IMPG1: variants seen among roughly 807,000 people sequenced by gnomAD.
The protein encoded by IMPG1 is interphotoreceptor matrix proteoglycan 1.
In IMPG1, 85 loss-of-function variants were observed where a neutral mutation model predicts 92.0. The ratio of observed to expected loss-of-function variants is 0.92; its 90% confidence interval spans 0.78 to 1.11. IMPG1 has a LOEUF of 1.11. Ranked by LOEUF, IMPG1 falls within the 50% of genes least tolerant of loss-of-function variation. The pLI is 0.00. For synonymous variants in IMPG1, 367 were observed against 334.1 expected, an observed-to-expected ratio of 1.10 and a Z score of -1.08; for missense variants, 1,022 against 956.0, an observed-to-expected ratio of 1.07 and a Z score of -0.91.
intron 14 of IMPG1, among the ~76,000 whole-genome samples, chr6:75,939,269 TA>T (rs1781799771): frequency 6.6e-6 from 1 of 152,230 alleles, no homozygotes; most frequent in South Asian, 2.1e-4. Flanking sequence ...TACATATGTA[TA>T]CATGTGCCAT....
intron 4 of IMPG1, among the ~76,000 whole-genome samples, chr6:76,029,568 T>A (rs1364714611): frequency 5.3e-5 from 8 of 152,236 alleles, no homozygotes. Context: ...CCCTGCTTGT[T>A]CCTGTGAACC....
At chr6:75,947,639 C>T (rs1427746220) in intron 13 of IMPG1, 106 bp from the exon 14 acceptor site, 1 of 781,670 alleles carries the variant, frequency 1.3e-6, no homozygotes, top group Non-Finnish European at 2.0e-6. Context: ...ATTTTAGTTC[C>T]TTTTTATTAT....
intron 7 of IMPG1, among the ~76,000 whole-genome samples, chr6:76,016,750 G>A (rs1281004714): frequency 2.0e-5 from 3 of 152,122 alleles, no homozygotes; most frequent in Non-Finnish European, 4.4e-5. Context: ...GTAATCTCAT[G>A]GATGCTTCTA....
chr6:75,961,766 C>T (rs1380415206), intron 12 of IMPG1, among the ~76,000 whole-genome samples: 9 of 152,166 alleles, frequency 5.9e-5, no homozygotes, highest in African/African-American at 2.2e-4. Flanking sequence ...GCTCAGGGAG[C>T]AGCTAGCTGG....
chr6:76,037,037 A>C (rs1389271247), intron 2 of IMPG1, among the ~76,000 whole-genome samples: 2 of 152,190 alleles, frequency 1.3e-5, no homozygotes, highest in African/African-American at 4.8e-5. Flanking sequence ...TTAACTCTAG[A>C]GCAATGGAAA....
chr6:75,947,394 C>G lies in IMPG1; in HGVS notation c.1964G>C (p.Gly655Ala). 2 of 1,613,900 alleles carry G rather than the reference C, an allele frequency of 1.2e-6. No individual in the cohort carries two copies. The highest frequency in any genetic ancestry group is 8.5e-7 in the Non-Finnish European group (1 of 1,179,862). Residue 655 changes from glycine (G) to alanine (A), a missense_variant, in exon 14 of 17, where the codon GGG becomes GCG. By Grantham distance (60) the Gly-to-Ala change is moderately conservative. This residue lies in a region of IMPG1 where 332 missense variants were observed against 346.2 expected (regional missense o/e 0.96). Coordinates refer to ENST00000369950, the MANE Select transcript of IMPG1 (RefSeq NM_001563.4). ...VPYNLTKAVH[G>A]VLEDFRSAAA... ...AGCAGAACGAAAATCCTCCAAGACC[C>G]CGTGCACAGCCTTGGTGAGGTTATA...
At position 76,022,209 on chromosome 6, in the gene IMPG1, G is replaced by A. The variant is rs200953805; in HGVS notation, c.573C>T (p.Asn191=). ...ETIVISTDVA[N]VSLGPFPLTP... ...TGAGAGGGAAAGGCCCAAGTGAGAC[G>A]TTGGCAACATCTGTGAAAATTTTAA... Residue 191 remains asparagine (N), a synonymous_variant, in exon 6 of 17, where the codon AAC becomes AAT. Coordinates refer to ENST00000369950, the MANE Select transcript of IMPG1 (RefSeq NM_001563.4). 2.8e-5 allele frequency: 45 copies of A among 1,580,992 alleles called. No individual in the cohort carries two copies. The highest frequency in any genetic ancestry group is 1.7e-4 in the Middle Eastern group (1 of 5,904).
intron 10 of IMPG1, 22 bp from the exon 11 acceptor site, chr6:76,003,972 A>T (rs1368163572): frequency 2.6e-6 from 4 of 1,568,624 alleles, no homozygotes; most frequent in Non-Finnish European, 3.5e-6. Flanking sequence ...AAATCACAAG[A>T]TTTGAATGTA....
At chr6:76,023,122 TG>T (rs1484669818) in intron 5 of IMPG1, among the ~76,000 whole-genome samples, 1 of 152,028 alleles carries the variant, frequency 6.6e-6, no homozygotes, top group Non-Finnish European at 1.5e-5. Flanking sequence ...AGTGGGGGCG[TG>T]AGAGTGGGTA....
intron 9 of IMPG1, among the ~76,000 whole-genome samples, chr6:76,006,152 T>C (rs1477520382): frequency 1.3e-5 from 2 of 152,016 alleles, no homozygotes; most frequent in East Asian, 3.8e-4. Context: ...AAAGTGCTTT[T>C]TGTCAAAAAA....
chr6:76,018,896 T>G, intron 6 of IMPG1, 38 bp from the exon 7 acceptor site: 8 of 1,530,100 alleles, frequency 5.2e-6, no homozygotes, highest in Non-Finnish European at 6.2e-6. Flanking sequence ...TCTGTTAACC[T>G]AAACCACAAA....
rs537774030 is a variant in IMPG1, at chr6:75,986,032, T to C, written c.1291+16886A>G. Among the ~76,000 whole-genome samples, 3 of 152,254 alleles carry C rather than the reference T, an allele frequency of 2.0e-5. No individual in the cohort carries two copies. The East Asian group carries it at 5.8e-4, about 29-fold the overall frequency. ...GGAAATGACTGCTCCTGTCACAAAA[T>C]AGTGCAATAAAACAAACAACAGCCT... On this transcript the variant is annotated intron_variant, in intron 12 of 16. Coordinates refer to ENST00000369950, the MANE Select transcript of IMPG1 (RefSeq NM_001563.4).
intron 12 of IMPG1, among the ~76,000 whole-genome samples, chr6:75,985,268 C>T (rs1013296449): frequency 6.6e-6 from 1 of 152,164 alleles, no homozygotes; most frequent in Admixed American, 6.5e-5. Context: ...AGGAAGGGAA[C>T]CTTCCCACCA....
intron 12 of IMPG1, among the ~76,000 whole-genome samples, chr6:75,964,127 T>C: frequency 6.6e-6 from 1 of 152,154 alleles, no homozygotes; most frequent in East Asian, 1.9e-4. Flanking sequence ...GTATGCATGC[T>C]CCGTAAGGAC....
intron 12 of IMPG1, among the ~76,000 whole-genome samples, chr6:75,957,167 C>G (rs1782140647): frequency 1.3e-5 from 2 of 152,186 alleles, no homozygotes; most frequent in South Asian, 4.1e-4. Flanking sequence ...ATCCACTCGC[C>G]TCGGCTTCCC....
At position 75,978,037 on chromosome 6, in the gene IMPG1, G is replaced by A. The variant is rs139385094; in HGVS notation, c.1291+24881C>T. Among the ~76,000 whole-genome samples the A allele has an allele frequency of 1.0e-3, 156 of 152,114 alleles. 2 individuals carry two copies. The East Asian group carries it at 0.027, about 26-fold the overall frequency. ...ACTCCTGTACTCAAGCAGTCCTCCC[G>A]CCTTAGCTTTCAGGGTAGCTGGGAT... On this transcript the variant is annotated intron_variant, in intron 12 of 16. Transcript: ENST00000369950.
intron 12 of IMPG1, among the ~76,000 whole-genome samples, chr6:75,989,798 G>A (rs1232922716): frequency 1.3e-5 from 2 of 152,126 alleles, no homozygotes; most frequent in Admixed American, 1.3e-4. Context: ...AGCTGAGATC[G>A]CTCCACTGTA....
chr6:76,055,150 A>G (rs1436379394), intron 1 of IMPG1, among the ~76,000 whole-genome samples: 1 of 152,066 alleles, frequency 6.6e-6, no homozygotes, highest in East Asian at 1.9e-4. Context: ...ATAAACAAAC[A>G]TTGGATATAT....
intron 1 of IMPG1, among the ~76,000 whole-genome samples, chr6:76,056,811 G>C (rs1163799638): frequency 6.6e-6 from 1 of 152,046 alleles, no homozygotes; most frequent in South Asian, 2.1e-4. Context: ...CCATTTTTAT[G>C]TCTTATTTGG....
Sources: allele counts gnomAD v4.1 joint callset (sites outside exome capture counted in the v4.1 genomes callset), GRCh38; gene constraint gnomAD v4.1.1; regional missense constraint gnomAD v4.1.1; transcripts MANE v1.5; gene names NCBI Gene and HGNC (gene_info 2026-07-23, HGNC 2026-07-21).